Variants in DNAJC7 observed in about 807,000 individuals in gnomAD.
DNAJC7 encodes the protein DnaJ heat shock protein family (Hsp40) member C7.
Under a neutral mutation model 67.4 loss-of-function variants are expected in DNAJC7, and 18 were observed. That is an observed-to-expected ratio of 0.27 (90% confidence interval 0.18 to 0.40). DNAJC7 has a LOEUF of 0.40. DNAJC7 is among the 10% of genes least tolerant of loss of function. The pLI is 1.00. For missense variants in DNAJC7, 419 were observed against 613.8 expected, an observed-to-expected ratio of 0.68 and a Z score of 3.35; for synonymous variants, 220 against 207.8, an observed-to-expected ratio of 1.06 and a Z score of -0.50.
At chr17:41,995,557 A>C (rs1417276631) in intron 4 of DNAJC7, among the ~76,000 whole-genome samples, 2 of 152,208 alleles carry the variant, frequency 1.3e-5, no homozygotes, top group African/African-American at 4.8e-5. Context: ...CCACTGTGTT[A>C]TAGCTGCCTA....
chr17:41,992,390 TC>T (rs2051531883), intron 5 of DNAJC7, among the ~76,000 whole-genome samples: 3 of 151,974 alleles, frequency 2.0e-5, no homozygotes, highest in Admixed American at 2.0e-4. Flanking sequence ...GTCAGGCTGG[TC>T]TCTAACTCCC....
chr17:42,017,109 T>G, intron 1 of DNAJC7: 1 of 1,437,908 alleles, frequency 7.0e-7, no homozygotes, highest in Non-Finnish European at 9.1e-7. Context: ...TCCTCTCAGC[T>G]GGAGAACAAG....
At chr17:41,996,002 T>C (rs2051647555) in intron 4 of DNAJC7, among the ~76,000 whole-genome samples, 1 of 152,144 alleles carries the variant, frequency 6.6e-6, no homozygotes, top group Non-Finnish European at 1.5e-5. Context: ...GGAGACAGGG[T>C]CTCACTAAGT....
chr17:41,986,781 A>T (rs1474595608), intron 9 of DNAJC7, among the ~76,000 whole-genome samples: 1 of 152,102 alleles, frequency 6.6e-6, no homozygotes, highest in Non-Finnish European at 1.5e-5. Context: ...ATTCACTTTT[A>T]AAAAAAGCAT....
At chr17:42,007,469 G>C (rs1555650527) in intron 1 of DNAJC7, among the ~76,000 whole-genome samples, 1 of 152,064 alleles carries the variant, frequency 6.6e-6, no homozygotes, top group African/African-American at 2.4e-5. Flanking sequence ...GAGCCCAGGA[G>C]CCTAACTTCT....
At chr17:41,977,164 G>A (rs1370251212) in intron 13 of DNAJC7, 97 bp downstream of exon 13, 34 of 1,248,210 alleles carry the variant, frequency 2.7e-5, no homozygotes, top group South Asian at 4.0e-5. Flanking sequence ...AGCTGCCCCC[G>A]CTCATGGGCC....
chr17:41,979,657 T>TAAAAAAAA (rs71155200), intron 12 of DNAJC7, among the ~76,000 whole-genome samples: 1 of 47,836 alleles, frequency 2.1e-5, no homozygotes, highest in Non-Finnish European at 3.5e-5. Flanking sequence ...GGCTCAGTCT[T>TAAAAAAAA]AAAAAAAAAA....
intron 5 of DNAJC7, among the ~76,000 whole-genome samples, chr17:41,993,986 T>G (rs1418172466): frequency 6.7e-6 from 1 of 148,178 alleles, no homozygotes; most frequent in African/African-American, 2.5e-5. Flanking sequence ...GAGGTTGCAG[T>G]GAGCCGAGAT....
At chr17:42,010,128 G>C (rs1445883672) in intron 1 of DNAJC7, among the ~76,000 whole-genome samples, 2 of 151,534 alleles carry the variant, frequency 1.3e-5, no homozygotes, top group African/African-American at 4.8e-5. Context: ...TGGAGACACA[G>C]CAAGACTCCA....
chr17:41,999,821 T>A (rs1014967935), intron 2 of DNAJC7, among the ~76,000 whole-genome samples: 6 of 151,608 alleles, frequency 4.0e-5, no homozygotes, highest in African/African-American at 1.5e-4. Flanking sequence ...GCCTGGCCTA[T>A]TTTTTTTATC....
Position 41,983,603 on chromosome 17 carries a change from T to C in DNAJC7, c.1044A>G (p.Val348=). The C allele has an allele frequency of 6.2e-7, 1 of 1,602,744 alleles. No individual in the cohort carries two copies. Among genetic ancestry groups the C allele is most frequent in the Non-Finnish European group, 8.5e-7 (1 of 1,173,794 alleles). ...TCTGGTATACTTTTTCATAGTCTCG[T>C]ACTGCTTCTTCATACTGTTCTGTGT... is the stretch of plus-strand genomic sequence containing the variant. The part of the protein sequence containing the change: ...YMDTEQYEEA[V]RDYEKVYQTE... The change falls in exon 10 of 14, where the codon GTA becomes GTG. Residue 348 remains valine, a synonymous_variant. Coordinates refer to ENST00000457167, the MANE Select transcript of DNAJC7 (RefSeq NM_003315.4).
intron 13 of DNAJC7, 178 bp downstream of exon 13, chr17:41,977,083 T>G: frequency 1.4e-6 from 1 of 707,654 alleles, no homozygotes; most frequent in South Asian, 1.9e-5. Flanking sequence ...AGGCAAGGGG[T>G]GCCTGGGAAC....
rs138726127 is a variant in DNAJC7, at chr17:41,983,555, A to G, written c.1084+8T>C. The G allele has an allele frequency of 7.0e-3, 11,049 of 1,576,796 alleles. 63 individuals carry two copies. The highest frequency in any genetic ancestry group is 0.016 in the South Asian group (1,380 of 86,496). The stretch of plus-strand genomic sequence containing the variant: ...AGTTCCCTAAAAAACAAATGCTTTT[A>G]AACTTACCTTTTGTTTTCTCTGTCT... On this transcript the variant is annotated splice_region_variant and intron_variant, in intron 10 of 13. Transcript: ENST00000457167.
chr17:41,980,645 G>A (rs897250086), intron 12 of DNAJC7, among the ~76,000 whole-genome samples: 6 of 150,640 alleles, frequency 4.0e-5, no homozygotes, highest in Admixed American at 6.6e-5. Context: ...TGATCTGCCC[G>A]CCTTGGCTTC....
At chr17:42,004,704 T>C (rs2051899413) in intron 1 of DNAJC7, among the ~76,000 whole-genome samples, 1 of 152,200 alleles carries the variant, frequency 6.6e-6, no homozygotes, top group Non-Finnish European at 1.5e-5. Flanking sequence ...CCTTTGCTAT[T>C]TTAAAATGTA....
Position 41,997,115 on chromosome 17 carries a change from C to T in DNAJC7, c.291G>A (p.Arg97=). 1 of 1,613,874 alleles carries T rather than the reference C, an allele frequency of 6.2e-7. No homozygotes were observed. Among genetic ancestry groups the T allele is most frequent in the Non-Finnish European group, 8.5e-7 (1 of 1,179,832 alleles). ...QSVRLDDSFV[R]GHLREGKCHL... ...CCAAACAGCCCCATTACATACATACCCGGACAAAACTGTCATCCAACCTCA... is the reference window on the plus strand; with the variant it reads ...CCAAACAGCCCCATTACATACATACTCGGACAAAACTGTCATCCAACCTCA... Residue 97 remains arginine, a splice_region_variant and synonymous_variant, in exon 3 of 14, where the codon CGG becomes CGA. Coordinates refer to ENST00000457167, the MANE Select transcript of DNAJC7 (RefSeq NM_003315.4).
chr17:41,980,863 A>C (rs1441896124), intron 12 of DNAJC7, among the ~76,000 whole-genome samples: 2 of 152,214 alleles, frequency 1.3e-5, no homozygotes, highest in African/African-American at 4.8e-5. Context: ...GTGGGTAAAA[A>C]AGAACTTCCA....
At chr17:42,006,500 T>TA (rs1297441505) in intron 1 of DNAJC7, among the ~76,000 whole-genome samples, 3 of 150,114 alleles carry the variant, frequency 2.0e-5, no homozygotes, top group African/African-American at 4.9e-5. Flanking sequence ...ACCCTGCCTT[T>TA]AAAAAAAACA....
chr17:41,987,734 T>C, intron 9 of DNAJC7, 85 bp downstream of exon 9: 1 of 1,183,850 alleles, frequency 8.4e-7, no homozygotes, highest in Non-Finnish European at 1.2e-6. Flanking sequence ...TCACAACATC[T>C]CTGGGTCTGC....
Sources: allele counts gnomAD v4.1 joint callset (sites outside exome capture counted in the v4.1 genomes callset), GRCh38; gene constraint gnomAD v4.1.1; transcripts MANE v1.5; gene names NCBI Gene and HGNC (gene_info 2026-07-23, HGNC 2026-07-21).